The following FMN1 variants were observed in gnomAD, a reference collection of about 807,000 sequenced individuals.
FMN1 encodes formin-1.
A neutral mutation model predicts 132.4 loss-of-function variants in FMN1; 110 were observed. The observed-to-expected ratio is 0.83, with a 90% CI of 0.71 to 0.97. FMN1 has a LOEUF of 0.97. Among genes scored for constraint, FMN1 ranks in the 50% least tolerant of loss-of-function variants. The pLI is 0.00. For missense variants in FMN1, 1,792 were observed against 1,705.3 expected (o/e 1.05, Z -0.90); for synonymous variants, 722 against 651.7 (o/e 1.11, Z -1.64).
intron 3 of FMN1, among the ~76,000 whole-genome samples, chr15:33,175,682 C>T (rs2140330190): frequency 6.6e-6 from 1 of 152,248 alleles, no homozygotes; most frequent in South Asian, 2.1e-4. Flanking sequence ...TCAGTGAAGT[C>T]AAAATTTAGT....
chr15:33,141,735 G>A (rs35991626), intron 4 of FMN1, among the ~76,000 whole-genome samples: 9,935 of 152,156 alleles, frequency 0.065, 369 homozygotes, highest in Non-Finnish European at 0.07. Context: ...TGTAATCTTG[G>A]GAGTACCTCC....
intron 5 of FMN1, chr15:33,066,521 T>A (rs1259156076): frequency 6.5e-7 from 1 of 1,545,510 alleles, no homozygotes; most frequent in South Asian, 1.2e-5. Context: ...ACTTTTGGAA[T>A]CAGAGGGGCC....
intron 7 of FMN1, among the ~76,000 whole-genome samples, chr15:32,991,721 G>T (rs1051313992): frequency 1.3e-4 from 20 of 152,132 alleles, no homozygotes; most frequent in African/African-American, 4.8e-4. Context: ...GTCAGACACC[G>T]TAATTTATTA....
At chr15:32,901,159 A>G (rs347924) in intron 13 of FMN1, among the ~76,000 whole-genome samples, 3,542 of 150,782 alleles carry the variant, frequency 0.023, 140 homozygotes, top group African/African-American at 0.083. Context: ...CGTCTCAAAA[A>G]AAAAGAAAGA....
intron 4 of FMN1, among the ~76,000 whole-genome samples, chr15:33,118,664 TTAAATAC>T (rs1455676327): frequency 1.3e-5 from 2 of 152,128 alleles, no homozygotes; most frequent in East Asian, 1.9e-4. Flanking sequence ...ATATTAAATA[TTAAATAC>T]AAAAAGCATG....
chr15:32,987,774 G>C (rs1283188231), intron 7 of FMN1, among the ~76,000 whole-genome samples: 2 of 152,118 alleles, frequency 1.3e-5, no homozygotes, highest in Non-Finnish European at 2.9e-5. Context: ...TAAAAGCATA[G>C]AATTAAATCC....
At chr15:33,018,889 G>A (rs1011394278) in intron 6 of FMN1, among the ~76,000 whole-genome samples, 1 of 152,156 alleles carries the variant, frequency 6.6e-6, no homozygotes, top group Admixed American at 6.5e-5. Context: ...TCCTCCGGTG[G>A]GTTCGTAGTC....
rs201880703 is a variant in FMN1, at chr15:32,822,377, TCTA to T, written c.3929-18048_3929-18046del. Reference sequence around the variant, plus strand: ...ACAAACAAACAAACAAAAAAGATGATCTACGATTAGTAATCTTTCTAGGCTCTG... The same window carrying T: ...ACAAACAAACAAACAAAAAAGATGATCGATTAGTAATCTTTCTAGGCTCTG... On this transcript the variant is annotated intron_variant, in intron 17 of 20. Transcript: ENST00000616417. Among the ~76,000 whole-genome samples, 147 of 151,744 alleles carry T rather than the reference TCTA, an allele frequency of 9.7e-4. 4 individuals are homozygous for T. In the East Asian group the frequency reaches 0.026, roughly 26 times the overall value.
intron 17 of FMN1, among the ~76,000 whole-genome samples, chr15:32,823,411 A>T (rs992129892): frequency 6.6e-6 from 1 of 151,782 alleles, no homozygotes; most frequent in Non-Finnish European, 1.5e-5. Context: ...TGATCCGCCC[A>T]CCTTGGCCTC....
intron 3 of FMN1, among the ~76,000 whole-genome samples, chr15:33,156,580 G>A (rs1025617098): frequency 6.6e-6 from 1 of 151,844 alleles, no homozygotes; most frequent in Non-Finnish European, 1.5e-5. Flanking sequence ...GTGAGCCACT[G>A]CTCCCGGCCG....
At chr15:32,785,916 T>G (rs182247278) in intron 19 of FMN1, among the ~76,000 whole-genome samples, 1 of 152,246 alleles carries the variant, frequency 6.6e-6, no homozygotes, top group African/African-American at 2.4e-5. Context: ...GGGAAACACA[T>G]GAGATCTGAC....
chr15:32,869,658 T>C (rs2059469685), intron 16 of FMN1, among the ~76,000 whole-genome samples: 1 of 152,010 alleles, frequency 6.6e-6, no homozygotes, highest in Non-Finnish European at 1.5e-5. Flanking sequence ...GAAGAGAAGG[T>C]GTTGCAGGAC....
At chr15:32,897,263 TTGGGTTTTTCTTTTCTTCAGTC>T (rs2060182886) in intron 15 of FMN1, among the ~76,000 whole-genome samples, 2 of 152,230 alleles carry the variant, frequency 1.3e-5, no homozygotes, top group African/African-American at 4.8e-5. Flanking sequence ...ATTTTTAAAA[TTGGGTTTTTCTTTTCTTCAGTC>T]TGTTTTTAAA....
chr15:33,077,513 C>T lies in FMN1; in HGVS notation c.2043+11286G>A, dbSNP rs1277699007. Among the ~76,000 whole-genome samples, 3 of 151,832 alleles carry T rather than the reference C, an allele frequency of 2.0e-5. No individual in the cohort carries two copies. The East Asian group carries it at 5.8e-4, about 29-fold the overall frequency. ...ATATCTCATAATGCTATCCCTCCCC[C>T]TTCCCCTGACTCCACAACAGGCCCC... On this transcript the variant is annotated intron_variant, in intron 5 of 20. Coordinates refer to ENST00000616417, the MANE Select transcript of FMN1 (RefSeq NM_001277313.2).
At position 32,767,044 on chromosome 15, in the gene FMN1, TG is replaced by T. The variant is rs1307259611; in HGVS notation, c.*7265del. On this transcript the variant is annotated 3_prime_UTR_variant, in exon 21 of 21. Transcript: ENST00000616417. ...ACCTGCTTTCCCAGTACATTGGCAC[TG>T]ATCAATACAAGATCAAGGGCACTCA... 1 of 152,216 alleles carries T rather than the reference TG, an allele frequency of 6.6e-6. No homozygotes were observed. Among genetic ancestry groups the T allele is most frequent in the Non-Finnish European group, 1.5e-5 (1 of 68,048 alleles). The allele number at this position is 152,216 out of a possible 1,614,324, so 9.4% of individuals were successfully genotyped here.
In FMN1 at chr15:32,800,799, A is replaced by C. The variant is rs183285427; in HGVS notation, c.3981-1846T>G. Among the ~76,000 whole-genome samples, 15 of 152,356 alleles carry C rather than the reference A, an allele frequency of 9.8e-5. 1 individual carries two copies. In the East Asian group the frequency reaches 2.9e-3, roughly 29 times the overall value. ...GTTGCTCATGCTCAATAACACAGGC[A>C]TTTAAGAGACAAAATAGTCGTTCTA... On this transcript the variant is annotated intron_variant, in intron 18 of 20. Transcript: ENST00000616417.
chr15:32,979,413 G>A (rs568353820), intron 7 of FMN1, among the ~76,000 whole-genome samples: 8 of 151,824 alleles, frequency 5.3e-5, no homozygotes, highest in Non-Finnish European at 8.8e-5. Flanking sequence ...AAAATTAGCC[G>A]GGCGTGGTGG....
intron 6 of FMN1, among the ~76,000 whole-genome samples, chr15:33,035,862 T>G (rs2036166830): frequency 6.6e-6 from 1 of 152,238 alleles, no homozygotes; most frequent in African/African-American, 2.4e-5. Flanking sequence ...CAGACAGCCC[T>G]GACCTCATGA....
At chr15:32,787,995 T>G (rs992248833) in intron 19 of FMN1, among the ~76,000 whole-genome samples, 1 of 152,266 alleles carries the variant, frequency 6.6e-6, no homozygotes, top group African/African-American at 2.4e-5. Flanking sequence ...TCTTAGAGAC[T>G]GCATGCATTT....
Sources: allele counts gnomAD v4.1 joint callset (sites outside exome capture counted in the v4.1 genomes callset), GRCh38; gene constraint gnomAD v4.1.1; transcripts MANE v1.5; gene names NCBI Gene and HGNC (gene_info 2026-07-23, HGNC 2026-07-21).